Variants in DTL observed in about 807,000 individuals in gnomAD.
The protein encoded by DTL is denticleless protein homolog.
In DTL, 46 loss-of-function variants were observed where a neutral mutation model predicts 87.0. The ratio of observed to expected loss-of-function variants is 0.53; its 90% confidence interval spans 0.42 to 0.68. The LOEUF (loss-of-function observed/expected upper bound fraction) is 0.68. Ranked by LOEUF, DTL falls within the 30% of genes least tolerant of loss-of-function variation. The pLI, the probability that DTL is intolerant of heterozygous loss-of-function variation, is 0.00. For synonymous variants in DTL, 308 were observed against 311.2 expected (o/e 0.99, Z 0.11); for missense variants, 737 against 869.4 (o/e 0.85, Z 1.91).
chr1:212,065,608 A>T (rs533666443), intron 7 of DTL, among the ~76,000 whole-genome samples: 29 of 152,160 alleles, frequency 1.9e-4, no homozygotes, highest in Non-Finnish European at 4.0e-4. Context: ...CATTAGGAAA[A>T]GTGGGGGAGG....
At chr1:212,081,044 G>T (rs1407645813) in intron 13 of DTL, among the ~76,000 whole-genome samples, 1 of 152,072 alleles carries the variant, frequency 6.6e-6, no homozygotes, top group African/African-American at 2.4e-5. Flanking sequence ...AAAAAATCCT[G>T]AAGATGTAAA....
intron 1 of DTL, among the ~76,000 whole-genome samples, chr1:212,041,118 A>G (rs140998670): frequency 1.3e-5 from 2 of 152,190 alleles, no homozygotes; most frequent in African/African-American, 4.8e-5. Context: ...AAAGCATTAC[A>G]GTTTCATGTT....
chr1:212,052,412 A>C (rs1668015004), intron 5 of DTL, among the ~76,000 whole-genome samples: 1 of 152,120 alleles, frequency 6.6e-6, no homozygotes, highest in Non-Finnish European at 1.5e-5. Context: ...TGAGGCAGGC[A>C]GATCACCTGA....
chr1:212,048,906 G>C (rs201021886), intron 5 of DTL, among the ~76,000 whole-genome samples: 30 of 32,000 alleles, frequency 9.4e-4, no homozygotes, highest in African/African-American at 2.6e-3. Flanking sequence ...CTGGTTTTTT[G>C]TTTGTTTGTT....
intron 10 of DTL, among the ~76,000 whole-genome samples, chr1:212,071,064 C>A (rs1402221369): frequency 1.3e-5 from 2 of 152,214 alleles, no homozygotes; most frequent in Non-Finnish European, 2.9e-5. Context: ...CAAATTGATT[C>A]ATATCCTGCC....
chr1:212,068,510 TATGAA>T lies in DTL; in HGVS notation c.818-84_818-80del, dbSNP rs1417363745. On this transcript the variant is annotated intron_variant, in intron 9 of 14. Coordinates refer to ENST00000366991, the MANE Select transcript of DTL (RefSeq NM_016448.4). The stretch of plus-strand genomic sequence containing the variant: ...GACAAAGAATTCTGATGATGATTCT[TATGAA>T]ATGATCTATTTTTGTCTCTACATTT... The T allele has an allele frequency of 3.3e-6, 3 of 912,428 alleles. No individual in the cohort carries two copies. The African/African-American group carries it at 5.0e-5, about 15-fold the overall frequency. The allele number at this position is 912,428 out of a possible 1,614,324, so 56.5% of individuals were successfully genotyped here. A position where few individuals can be genotyped will look rare whatever the true frequency, so the allele number is the denominator to read the frequency against.
At chr1:212,049,066 G>A (rs544889689) in intron 5 of DTL, among the ~76,000 whole-genome samples, 18 of 152,272 alleles carry the variant, frequency 1.2e-4, no homozygotes, top group African/African-American at 4.1e-4. Flanking sequence ...GGGATTACAG[G>A]CGTGTACCAC....
intron 13 of DTL, among the ~76,000 whole-genome samples, chr1:212,097,447 G>A (rs2358440): frequency 0.45 from 68,667 of 151,786 alleles, 15,837 homozygotes; most frequent in East Asian, 0.61. Flanking sequence ...TGTTGAATTG[G>A]GTTAATTCAA....
chr1:212,067,486 C>T (rs1183701635), intron 8 of DTL, among the ~76,000 whole-genome samples: 7 of 152,024 alleles, frequency 4.6e-5, no homozygotes. Context: ...TTTAAGTTTC[C>T]TTCCTATTAT....
At chr1:212,051,181 A>G (rs1324224073) in intron 5 of DTL, among the ~76,000 whole-genome samples, 1 of 152,034 alleles carries the variant, frequency 6.6e-6, no homozygotes, top group Non-Finnish European at 1.5e-5. Context: ...ACCCAGATCT[A>G]TATTCCTAGC....
Position 212,047,210 on chromosome 1 carries a change from C to G in DTL, c.337C>G (p.Leu113Val). 6.2e-7 allele frequency: 1 copy of G among 1,614,112 alleles called. No individual in the cohort carries two copies. The highest frequency in any genetic ancestry group is 8.5e-7 in the Non-Finnish European group (1 of 1,179,994). The change falls in exon 4 of 15, where the codon CTT becomes GTT. Residue 113 changes from leucine (L) to valine (V), a missense_variant and splice_region_variant. Coordinates refer to ENST00000366991, the MANE Select transcript of DTL (RefSeq NM_016448.4). ...GGCCTGGGTTCCTGGTGAACTTAAA[C>G]TTGTAAGTGACTTTATTTCATTAGG... ...DLAWVPGELKLVTAAGDQTAK... is the reference protein window; with the variant it reads ...DLAWVPGELKVVTAAGDQTAK...
At chr1:212,066,754 T>G (rs998673124) in intron 7 of DTL, 58 bp from the exon 8 acceptor site, 1 of 1,544,036 alleles carries the variant, frequency 6.5e-7, no homozygotes, top group African/African-American at 1.4e-5. Context: ...CCTTGTTCCC[T>G]TGATGGTAAA....
At chr1:212,088,856 G>T (rs1215127975) in intron 13 of DTL, among the ~76,000 whole-genome samples, 2 of 152,246 alleles carry the variant, frequency 1.3e-5, no homozygotes, top group African/African-American at 4.8e-5. Context: ...GGAGGCCGAG[G>T]CAGGCGCATC....
At chr1:212,054,403 C>A (rs1358409637) in intron 5 of DTL, among the ~76,000 whole-genome samples, 31 of 143,980 alleles carry the variant, frequency 2.2e-4, no homozygotes, top group Non-Finnish European at 6.1e-5. Context: ...TAAAACCACA[C>A]ACACAAAAAA....
Position 212,057,020 on chromosome 1 carries a change from A to G in DTL, c.461-5864A>G, listed in dbSNP as rs528047218. Among the ~76,000 whole-genome samples, 12 of 152,310 alleles carry G rather than the reference A, an allele frequency of 7.9e-5. No homozygotes were observed. The East Asian group carries it at 1.2e-3, about 15-fold the overall frequency. Reference sequence around the variant, plus strand: ...ATGGGACACTATAAAGTGGCCAAATATATGAATTTTCAGTGTCCCAGAAGG... The same window carrying G: ...ATGGGACACTATAAAGTGGCCAAATGTATGAATTTTCAGTGTCCCAGAAGG... On this transcript the variant is annotated intron_variant, in intron 5 of 14. Transcript: ENST00000366991.
At chr1:212,087,953 G>T (rs749317270) in intron 13 of DTL, among the ~76,000 whole-genome samples, 17 of 151,474 alleles carry the variant, frequency 1.1e-4, no homozygotes, top group Non-Finnish European at 2.5e-4. Flanking sequence ...ACCTTTCCCA[G>T]CCGGCACCTG....
At chr1:212,076,626 G>T (rs543089090) in intron 11 of DTL, among the ~76,000 whole-genome samples, 3 of 152,298 alleles carry the variant, frequency 2.0e-5, no homozygotes, top group African/African-American at 7.2e-5. Flanking sequence ...GGGATGCTCA[G>T]TAGGACTTGA....
intron 1 of DTL, among the ~76,000 whole-genome samples, chr1:212,038,522 A>C (rs1667550896): frequency 6.6e-6 from 1 of 152,246 alleles, no homozygotes; most frequent in Non-Finnish European, 1.5e-5. Flanking sequence ...ACACATTCAA[A>C]ACATTTCGTT....
At chr1:212,047,823 G>T (rs146803839) in intron 5 of DTL, among the ~76,000 whole-genome samples, 1 of 152,142 alleles carries the variant, frequency 6.6e-6, no homozygotes, top group Non-Finnish European at 1.5e-5. Flanking sequence ...GGCGTGAGCC[G>T]CTGCACCCAG....
Sources: allele counts gnomAD v4.1 joint callset (sites outside exome capture counted in the v4.1 genomes callset), GRCh38; gene constraint gnomAD v4.1.1; transcripts MANE v1.5; gene names NCBI Gene and HGNC (gene_info 2026-07-23, HGNC 2026-07-21).